Variants in GPR142 observed in about 807,000 individuals in gnomAD.
GPR142 encodes G protein-coupled receptor 142, also known as G-protein coupled receptor 142 long form.
A neutral mutation model predicts 10.6 loss-of-function variants in GPR142; 9 were observed. The ratio of observed to expected loss-of-function variants is 0.85; its 90% CI spans 0.51 to 1.48. The LOEUF (loss-of-function observed/expected upper bound fraction) is 1.48, where lower values mean the gene tolerates loss of function less well. Ranked by LOEUF, GPR142 falls within the 40% of genes most tolerant of loss-of-function variation. The probability of loss-of-function intolerance (pLI) is 0.00; values close to 1 mark genes in which losing one functional copy is unlikely to be tolerated. For synonymous variants in GPR142, 202 were observed against 221.2 expected (o/e 0.91, Z 0.77); for missense variants, 482 against 506.0 (o/e 0.95, Z 0.45).
rs140763121 is a variant in GPR142 at position 74,370,622 on chromosome 17, G to A, written c.196G>A (p.Val66Met). Residue 66 changes from valine to methionine, a missense_variant, in exon 3 of 4, where the codon GTG becomes ATG. Val to Met is a conservative substitution (Grantham distance 21, BLOSUM62 1). Coordinates refer to ENST00000582579, the MANE Select transcript of GPR142 (RefSeq NM_001331076.1). The stretch of plus-strand genomic sequence containing the variant: ...AGAGATCGCAGAGAGGTCCCCGTGT[G>A]TGGCTGGCGTCATCCCTGTCATCTA... ...WPEIAERSPC[V>M]AGVIPVIYYS... 1.3e-3 allele frequency: 2,109 copies of A among 1,613,996 alleles called. 1 individual carries two copies. The highest frequency in any genetic ancestry group is 1.5e-3 in the Non-Finnish European group (1,827 of 1,180,006).
At position 74,372,424 on chromosome 17, in the gene GPR142, C is replaced by T. The variant is rs2055037489; in HGVS notation, c.949C>T (p.Leu317Phe). 2 of 1,613,912 alleles carry T rather than the reference C, an allele frequency of 1.2e-6. No homozygotes were observed. Among genetic ancestry groups the T allele is most frequent in the South Asian group, 2.2e-5 (2 of 91,096 alleles). Residue 317 changes from leucine (L) to phenylalanine (F), a missense_variant, in exon 4 of 4, where the codon CTC becomes TTC. Coordinates refer to ENST00000582579, the MANE Select transcript of GPR142 (RefSeq NM_001331076.1). Reference protein sequence around the residue: ...ALDVANMVAMLHTAANFGLYC... With the variant: ...ALDVANMVAMFHTAANFGLYC... ...GGATGTGGCCAATATGGTGGCCATG[C>T]TCCACACGGCAGCCAACTTCGGCCT...
rs748545507 is a variant in GPR142, at chr17:74,371,722, C to T, written c.254-7C>T. 6.3e-7 allele frequency: 1 copy of T among 1,589,796 alleles called. No individual in the cohort carries two copies. The highest frequency in any genetic ancestry group is 8.6e-7 in the Non-Finnish European group (1 of 1,167,292). ...CCTCTCCCCTCCCTCACCTCGGCTG[C>T]CCTCAGTCAGCCTCCTGACCGCAGT... On this transcript the variant is annotated splice_polypyrimidine_tract_variant and splice_region_variant and intron_variant, in intron 3 of 3. Transcript: ENST00000582579.
In GPR142 at chr17:74,370,530, C is replaced by T; in HGVS notation, c.104C>T (p.Pro35Leu). The change falls in exon 3 of 4, where the codon CCA becomes CTA. Residue 35 changes from proline (P) to leucine (L), a missense_variant. Physicochemically the swap from Pro to Leu is moderately conservative, Grantham distance 98 (BLOSUM62 -3). Transcript: ENST00000582579. ...GLEGRETAGQ[P>L]RVTLLPTPHV... ...CATCCGCACCTTCTAGCTGGCCAGCCACGAGTGACCCTGCTGCCCACGCCC... is the reference window on the plus strand; with the variant it reads ...CATCCGCACCTTCTAGCTGGCCAGCTACGAGTGACCCTGCTGCCCACGCCC... The T allele has an allele frequency of 6.2e-7, 1 of 1,610,570 alleles. No homozygotes were observed. The highest frequency in any genetic ancestry group is 1.1e-5 in the South Asian group (1 of 90,676).
At position 74,372,580 on chromosome 17, in the gene GPR142, C is replaced by T. The variant is rs763927713; in HGVS notation, c.1105C>T (p.Pro369Ser). Residue 369 changes from proline (P) to serine (S), a missense_variant, in exon 4 of 4, where the codon CCC becomes TCC. Transcript: ENST00000582579. The stretch of plus-strand genomic sequence containing the variant: ...GCCTGTGATGGAGCCTCCGGGACTC[C>T]CCACAGGGGCAGAAGTGTAGAGGAG... ...AKPVMEPPGL[P>S]TGAEV The T allele has an allele frequency of 6.2e-7, 1 of 1,606,112 alleles. No homozygotes were observed. Among genetic ancestry groups the T allele is most frequent in the Non-Finnish European group, 8.5e-7 (1 of 1,179,682 alleles).
At chr17:74,369,321 C>T (rs1029409538) in intron 1 of GPR142, 147 bp from the exon 2 acceptor site, 3 of 665,848 alleles carry the variant, frequency 4.5e-6, no homozygotes, top group Non-Finnish European at 7.6e-6. Context: ...AAGCTGAAGC[C>T]CCTGCCCAGC....
intron 3 of GPR142, 74 bp from the exon 4 acceptor site, chr17:74,371,655 T>C (rs1213204003): frequency 6.9e-7 from 1 of 1,439,090 alleles, no homozygotes; most frequent in Non-Finnish European, 9.4e-7. Flanking sequence ...GGAGGTGCGA[T>C]GGCGACACCT....
Position 74,372,086 on chromosome 17 carries a change from C to G in GPR142, c.611C>G (p.Pro204Arg). The stretch of plus-strand genomic sequence containing the variant: ...AGTGCTGCCCTGTTGACCGGCATCC[C>G]CTTCTACTGGTGGCTGGACATGTGG... ...VLSAALLTGIPFYWWLDMWRD... is the reference protein window; with the variant it reads ...VLSAALLTGIRFYWWLDMWRD... Residue 204 changes from proline (P) to arginine (R), a missense_variant, in exon 4 of 4, where the codon CCC (proline) becomes CGC (arginine). Coordinates refer to ENST00000582579, the MANE Select transcript of GPR142 (RefSeq NM_001331076.1). The G allele has an allele frequency of 3.1e-6, 5 of 1,614,236 alleles. No individual in the cohort carries two copies. Among genetic ancestry groups the G allele is most frequent in the Non-Finnish European group, 4.2e-6 (5 of 1,180,050 alleles).
chr17:74,370,821 C>A, intron 3 of GPR142, 142 bp downstream of exon 3: 1 of 818,304 alleles, frequency 1.2e-6, no homozygotes, highest in Non-Finnish European at 1.9e-6. Flanking sequence ...TCAGGGTGTT[C>A]TGGGTCACTG....
intron 1 of GPR142, 53 bp from the exon 2 acceptor site, chr17:74,369,415 C>T (rs1177910692): frequency 8.5e-6 from 13 of 1,528,112 alleles, no homozygotes; most frequent in Admixed American, 4.0e-5. Flanking sequence ...CCGGTGCCTC[C>T]GCCCACCAGT....
At chr17:74,371,159 C>CTTTTTTTTT (rs3050698) in intron 3 of GPR142, among the ~76,000 whole-genome samples, 12 of 124,084 alleles carry the variant, frequency 9.7e-5, no homozygotes, top group Non-Finnish European at 1.5e-4. Flanking sequence ...GGACAGGTAG[C>CTTTTTTTTT]TTTTTTTTTT....
In GPR142 at chr17:74,369,464, A is replaced by G. The variant is rs780534213; in HGVS notation, c.-73-4A>G. The G allele has an allele frequency of 6.4e-7, 1 of 1,555,586 alleles. No homozygotes were observed. The highest frequency in any genetic ancestry group is 8.7e-7 in the Non-Finnish European group (1 of 1,148,866). ...TTCCCCCGCCCCGCCCCCTGCACTA[A>G]CAGGCTCAGTGTCTGCGTAAGGATC... On this transcript the variant is annotated splice_polypyrimidine_tract_variant and splice_region_variant and intron_variant, in intron 1 of 3. Coordinates refer to ENST00000582579, the MANE Select transcript of GPR142 (RefSeq NM_001331076.1).
rs3050698 is a variant in GPR142 at position 74,371,159 on chromosome 17, C to CT, written c.253+495dup. On this transcript the variant is annotated intron_variant, in intron 3 of 3. Transcript: ENST00000582579. ...GAGGACAATGCCATAGGACAGGTAG[C>CT]TTTTTTTTTTTTTTTGAGATGGAGT... Among the ~76,000 whole-genome samples the CT allele has an allele frequency of 3.6e-4, 45 of 124,086 alleles. 5 individuals carry two copies. Among genetic ancestry groups the CT allele is most frequent in the Admixed American group, 1.4e-3 (16 of 11,040 alleles). The allele number at this position is 124,086 out of a possible 152,430, so 81.4% of individuals were successfully genotyped here.
chr17:74,369,428 C>A, intron 1 of GPR142, 40 bp from the exon 2 acceptor site: 1 of 1,547,874 alleles, frequency 6.5e-7, no homozygotes, highest in South Asian at 1.2e-5. Flanking sequence ...CCACCAGTTC[C>A]TTCCTCCTCC....
chr17:74,368,613 C>G (rs551964009), intron 1 of GPR142, among the ~76,000 whole-genome samples: 4 of 152,274 alleles, frequency 2.6e-5, no homozygotes, highest in African/African-American at 9.6e-5. Flanking sequence ...TCCAGGGGGG[C>G]CTGAGCTCTC....
In GPR142 at chr17:74,372,407, C is replaced by T. The variant is rs961442944; in HGVS notation, c.932C>T (p.Ala311Val). 1 of 1,614,064 alleles carries T rather than the reference C, an allele frequency of 6.2e-7. No individual in the cohort carries two copies. Among genetic ancestry groups the T allele is most frequent in the Admixed American group, 1.7e-5 (1 of 60,030 alleles). Residue 311 changes from alanine (A) to valine (V), a missense_variant, in exon 4 of 4, where the codon GCC becomes GTC. By Grantham distance (64) the Ala-to-Val change is moderately conservative (BLOSUM62 0). Transcript: ENST00000582579. Reference sequence around the variant, plus strand: ...AGGGTCCACCTGGCCTTGGATGTGGCCAATATGGTGGCCATGCTCCACACG... The same window carrying T: ...AGGGTCCACCTGGCCTTGGATGTGGTCAATATGGTGGCCATGCTCCACACG... ...DWRVHLALDV[A>V]NMVAMLHTAA...
chr17:74,372,010 C>G lies in GPR142; in HGVS notation c.535C>G (p.Arg179Gly), dbSNP rs117073661. ...YTALCHPLHH[R>G]AASSPGRTRR... ...TGCCCTGTGCCACCCCCTGCACCAT[C>G]GGGCCGCCTCGTCCCCAGGCCGGAC... The change falls in exon 4 of 4, where the codon CGG becomes GGG. Residue 179 changes from arginine to glycine, a missense_variant. Physicochemically the swap from Arg to Gly is moderately radical, Grantham distance 125. Transcript: ENST00000582579. The G allele has an allele frequency of 6.2e-7, 1 of 1,613,332 alleles. No homozygotes were observed. Among genetic ancestry groups the G allele is most frequent in the Admixed American group, 1.7e-5 (1 of 60,008 alleles).
At chr17:74,370,814 G>A (rs2055018483) in intron 3 of GPR142, 135 bp downstream of exon 3, 1 of 848,172 alleles carries the variant, frequency 1.2e-6, no homozygotes, top group Admixed American at 2.9e-5. Flanking sequence ...GCCATTGTCA[G>A]GGTGTTCTGG....
intron 1 of GPR142, 52 bp from the exon 2 acceptor site, chr17:74,369,416 G>A (rs992978172): frequency 4.7e-5 from 72 of 1,525,558 alleles, no homozygotes; most frequent in Admixed American, 2.0e-4. Flanking sequence ...CGGTGCCTCC[G>A]CCCACCAGTT....
intron 1 of GPR142, among the ~76,000 whole-genome samples, chr17:74,368,794 C>T (rs1598409534): frequency 1.3e-5 from 2 of 152,300 alleles, no homozygotes; most frequent in South Asian, 4.1e-4. Flanking sequence ...GTCCATTTCA[C>T]CAGGGCCAGG....
Sources: gnomAD v4.1 joint callset for allele counts (sites outside exome capture counted in the v4.1 genomes callset) on GRCh38, gnomAD v4.1.1 for gene constraint, MANE v1.5 for transcripts, NCBI Gene and HGNC (gene_info 2026-07-23, HGNC 2026-07-21) for gene names.